PVT1: variants seen among roughly 807,000 people sequenced by gnomAD.
PVT1 encodes the protein Pvt1 oncogene.
intron 5 of PVT1, among the ~76,000 whole-genome samples, chr8:128,072,567 G>T (rs1814011016): frequency 6.6e-6 from 1 of 152,110 alleles, no homozygotes; most frequent in African/African-American, 2.4e-5. Context: ...CTGACAAAAA[G>T]TCTAAGAGTC....
chr8:127,868,384 TTTTG>T (rs780837086), intron 2 of PVT1, among the ~76,000 whole-genome samples: 14 of 152,068 alleles, frequency 9.2e-5, no homozygotes, highest in African/African-American at 4.8e-5. Context: ...TCACAGTTTT[TTTTG>T]TTTGTTTGTT....
chr8:127,840,612 T>C (rs1777530985), intron 2 of PVT1, among the ~76,000 whole-genome samples: 1 of 152,262 alleles, frequency 6.6e-6, no homozygotes, highest in South Asian at 2.1e-4. Context: ...AGACCTGTGC[T>C]GGCAGCCCTG....
intron 3 of PVT1, among the ~76,000 whole-genome samples, chr8:127,961,214 G>C (rs1056741879): frequency 6.6e-6 from 1 of 152,192 alleles, no homozygotes; most frequent in African/African-American, 2.4e-5. Flanking sequence ...GCAGAGGTGA[G>C]AGAGGGAGAG....
intron 2 of PVT1, among the ~76,000 whole-genome samples, chr8:127,813,004 A>G (rs1051060827): frequency 3.3e-5 from 5 of 151,900 alleles, no homozygotes; most frequent in African/African-American, 1.2e-4. Context: ...GCATTAATAT[A>G]GGTACAATCT....
intron 4 of PVT1, among the ~76,000 whole-genome samples, chr8:128,055,128 C>T (rs922890609): frequency 3.3e-5 from 5 of 152,258 alleles, no homozygotes; most frequent in Admixed American, 3.3e-4. Flanking sequence ...TGAGTCAATT[C>T]CTTATAATCT....
At chr8:127,907,752 AG>A (rs1815840497) in intron 3 of PVT1, among the ~76,000 whole-genome samples, 7 of 152,214 alleles carry the variant, frequency 4.6e-5, no homozygotes, top group Admixed American at 4.6e-4. Context: ...TCACCGTTTC[AG>A]ACCCTGTTTT....
At chr8:127,999,741 C>A (rs762538824) in intron 4 of PVT1, among the ~76,000 whole-genome samples, 4 of 152,226 alleles carry the variant, frequency 2.6e-5, no homozygotes, top group Non-Finnish European at 5.9e-5. Flanking sequence ...GGGTTACAGG[C>A]GTGAGTCACC....
intron 2 of PVT1, among the ~76,000 whole-genome samples, chr8:127,809,903 G>C (rs1390247437): frequency 2.6e-5 from 4 of 152,218 alleles, no homozygotes; most frequent in African/African-American, 9.6e-5. Flanking sequence ...CTATCCATGT[G>C]GTACATTGCT....
intron 3 of PVT1, among the ~76,000 whole-genome samples, chr8:127,962,874 G>A (rs899495108): frequency 1.3e-5 from 2 of 152,144 alleles, no homozygotes; most frequent in East Asian, 1.9e-4. Context: ...GGGATTACAG[G>A]CATGAGCCTC....
chr8:127,971,107 A>G (rs879281734), intron 3 of PVT1, among the ~76,000 whole-genome samples: 6 of 152,386 alleles, frequency 3.9e-5, no homozygotes, highest in Admixed American at 3.9e-4. Flanking sequence ...CCCTTAAAGA[A>G]AAAGATTGCC....
At chr8:127,989,202 A>G (rs1817002842) in exon 4 of PVT1, 1 of 152,216 alleles carries the variant, frequency 6.6e-6, no homozygotes. Flanking sequence ...TCAATCTGAA[A>G]AAATACATAT....
chr8:127,898,178 C>T lies in PVT1; in HGVS notation n.782+7180C>T, dbSNP rs950324521. ...CTCTGAACCTGAGTGAAGAAATATA[C>T]TCTGTCCTTTGTACCTGCGTGAAGA... On this transcript the variant is annotated intron_variant and non_coding_transcript_variant, in intron 3 of 10. Coordinates refer to ENST00000651587, the Ensembl canonical transcript of PVT1. This position sits in a 1 kb window ranked among gnomAD's most constrained non-coding sequence, Gnocchi z 4.4. Among the ~76,000 whole-genome samples the T allele has an allele frequency of 6.6e-6, 1 of 150,536 alleles. No homozygotes were observed. The highest frequency in any genetic ancestry group is 6.6e-5 in the Admixed American group (1 of 15,068).
At chr8:127,974,654 G>T (rs1310172001) in intron 3 of PVT1, among the ~76,000 whole-genome samples, 1 of 152,070 alleles carries the variant, frequency 6.6e-6, no homozygotes, top group Admixed American at 6.6e-5. Context: ...GACCTCAAAT[G>T]ATCCACCTGC....
At chr8:127,973,447 A>G (rs779074924) in intron 3 of PVT1, among the ~76,000 whole-genome samples, 1 of 152,184 alleles carries the variant, frequency 6.6e-6, no homozygotes, top group Non-Finnish European at 1.5e-5. Flanking sequence ...GTAAAATAAC[A>G]TGCCCAAAGG....
chr8:128,079,976 G>T (rs769890902), intron 5 of PVT1, among the ~76,000 whole-genome samples: 1 of 152,054 alleles, frequency 6.6e-6, no homozygotes, highest in Non-Finnish European at 1.5e-5. Context: ...CGCCCGCCTC[G>T]GCCTCCCAAG....
intron 3 of PVT1, among the ~76,000 whole-genome samples, chr8:127,962,013 C>T (rs1024182146): frequency 7.2e-5 from 11 of 152,204 alleles, no homozygotes; most frequent in Non-Finnish European, 8.8e-5. Flanking sequence ...CTCGCTCTGT[C>T]GCCTAGGCTG....
At chr8:127,941,440 C>T (rs554172751) in intron 3 of PVT1, among the ~76,000 whole-genome samples, 18 of 152,260 alleles carry the variant, frequency 1.2e-4, no homozygotes, top group African/African-American at 4.3e-4. Context: ...CACAGTACCT[C>T]AGAAGGGTTG....
chr8:127,838,937 A>G (rs942842153), intron 2 of PVT1, among the ~76,000 whole-genome samples: 2 of 152,114 alleles, frequency 1.3e-5, no homozygotes, highest in Non-Finnish European at 2.9e-5. Flanking sequence ...CTATGTTTAG[A>G]TATGATTAGA....
chr8:128,009,450 C>G (rs1419789070), intron 4 of PVT1: 1 of 152,040 alleles, frequency 6.6e-6, no homozygotes, highest in African/African-American at 2.4e-5. Context: ...AAATTGCACC[C>G]AAAGGGGAAA....
Sources: allele counts gnomAD v4.1 joint callset (sites outside exome capture counted in the v4.1 genomes callset), GRCh38; gene constraint gnomAD v4.1.1; non-coding constraint Gnocchi (gnomAD v3.1); transcripts MANE v1.5; gene names NCBI Gene and HGNC (gene_info 2026-07-23, HGNC 2026-07-21).